Variants in C4orf36 observed in about 807,000 individuals in gnomAD.
C4orf36 encodes the protein uncharacterized protein C4orf36.
C4orf36 carries 11 observed loss-of-function variants against 12.2 expected under a neutral mutation model. That is an observed-to-expected ratio of 0.90 (90% CI 0.57 to 1.49). The LOEUF is 1.49. C4orf36 is among the 40% of genes most tolerant of loss of function. The pLI is 0.00. For synonymous variants in C4orf36, 54 were observed against 51.3 expected, an observed-to-expected ratio of 1.05 and a Z score of -0.22; for missense variants, 137 against 133.9, an observed-to-expected ratio of 1.02 and a Z score of -0.11.
At chr4:86,917,140 C>T in the C4orf36 span, among the ~76,000 whole-genome samples, 3 of 152,218 alleles carry the variant, frequency 2.0e-5, no homozygotes, top group East Asian at 5.8e-4. Flanking sequence ...ATTAGCTGGG[C>T]TTGGTGGCGT....
the C4orf36 span, among the ~76,000 whole-genome samples, chr4:86,918,091 T>G: frequency 1.6e-3 from 241 of 152,240 alleles, 1 homozygote; most frequent in Non-Finnish European, 2.6e-3. Flanking sequence ...GCAGAAGGGG[T>G]GACAGGTCTC....
At chr4:86,914,925 G>A in the C4orf36 span, 8 of 260,088 alleles carry the variant, frequency 3.1e-5, no homozygotes, top group Middle Eastern at 1.4e-3. Flanking sequence ...GGCCCACCAC[G>A]GGGACCGATG....
At chr4:86,910,377 A>G in the C4orf36 span, among the ~76,000 whole-genome samples, 1 of 152,126 alleles carries the variant, frequency 6.6e-6, no homozygotes, top group African/African-American at 2.4e-5. Flanking sequence ...GCACCATTGC[A>G]CTCCATCCTG....
chr4:86,892,541 CGGGCCG>C, upstream of C4orf36: 5 of 861,862 alleles, frequency 5.8e-6, no homozygotes, highest in Non-Finnish European at 7.0e-6. Flanking sequence ...CTCTGGTAAC[CGGGCCG>C]GGGCAGGCCG....
At chr4:86,929,761 G>T in the C4orf36 span, among the ~76,000 whole-genome samples, 1 of 152,040 alleles carries the variant, frequency 6.6e-6, no homozygotes, top group Non-Finnish European at 1.5e-5. Flanking sequence ...CAAGAATAAA[G>T]ACATAAAACA....
chr4:86,884,298 AATTTTTTTTTTTTTT>A (rs1747118953), intron 4 of C4orf36, among the ~76,000 whole-genome samples: 1 of 125,250 alleles, frequency 8.0e-6, no homozygotes, highest in South Asian at 2.5e-4. Context: ...AAAAAGACTG[AATTTTTTTTTTTTTT>A]TTTTTTTTTG....
the C4orf36 span, chr4:86,925,822 T>C: frequency 6.6e-6 from 1 of 151,900 alleles, no homozygotes; most frequent in Non-Finnish European, 1.5e-5. Context: ...TCATTCATCT[T>C]AAATTATAAG....
At chr4:86,913,915 C>T in the C4orf36 span, 1 of 1,309,304 alleles carries the variant, frequency 7.6e-7, no homozygotes, top group Non-Finnish European at 1.1e-6. Context: ...TACGAACTCT[C>T]CCGGGCTCAC....
At chr4:86,913,386 G>A in the C4orf36 span, 2 of 783,212 alleles carry the variant, frequency 2.6e-6, no homozygotes, top group Non-Finnish European at 2.2e-6. Flanking sequence ...CTTGAGTGAT[G>A]CTATTCGGGT....
At chr4:86,917,343 G>GAAGA in the C4orf36 span, among the ~76,000 whole-genome samples, 1 of 146,456 alleles carries the variant, frequency 6.8e-6, no homozygotes, top group Admixed American at 7.0e-5. Context: ...AGGAAGGAAG[G>GAAGA]ATGGAAGGAA....
intron 4 of C4orf36, among the ~76,000 whole-genome samples, chr4:86,883,160 C>G (rs550756290): frequency 2.2e-4 from 34 of 152,282 alleles, no homozygotes; most frequent in African/African-American, 8.2e-4. Context: ...GATATCTGTG[C>G]TTCTGGGTTA....
chr4:86,892,860 G>GT (rs1474526891), upstream of C4orf36, among the ~76,000 whole-genome samples: 3 of 152,174 alleles, frequency 2.0e-5, no homozygotes, highest in Non-Finnish European at 2.9e-5. Flanking sequence ...TGGTGATTTC[G>GT]TATTTCTTCA....
the C4orf36 span, among the ~76,000 whole-genome samples, chr4:86,907,105 T>G: frequency 6.6e-6 from 1 of 152,108 alleles, no homozygotes; most frequent in East Asian, 1.9e-4. Flanking sequence ...CAAGTAAGTG[T>G]TTAAGGTGAT....
At chr4:86,923,086 CCTTT>C in the C4orf36 span, among the ~76,000 whole-genome samples, 2 of 148,280 alleles carry the variant, frequency 1.3e-5, no homozygotes, top group African/African-American at 5.0e-5. Context: ...CATCCAGCTG[CCTTT>C]TTTTTTTTTT....
At chr4:86,929,459 T>C in the C4orf36 span, among the ~76,000 whole-genome samples, 3 of 152,210 alleles carry the variant, frequency 2.0e-5, no homozygotes, top group Non-Finnish European at 4.4e-5. Context: ...TTTGCTCCTT[T>C]AGGGCCAACA....
At chr4:86,892,779 C>T (rs909905216), upstream of C4orf36, among the ~76,000 whole-genome samples, 1 of 152,212 alleles carries the variant, frequency 6.6e-6, no homozygotes, top group Non-Finnish European at 1.5e-5. Context: ...AGCTCAAAGC[C>T]CACGTGTGAT....
intron 4 of C4orf36, among the ~76,000 whole-genome samples, chr4:86,883,129 C>G (rs1205882364): frequency 6.6e-6 from 1 of 152,098 alleles, no homozygotes. Flanking sequence ...CCTGGTGGCT[C>G]CAGAGGACAG....
chr4:86,887,381 T>C (rs1321266664), intron 4 of C4orf36: 3 of 167,346 alleles, frequency 1.8e-5, no homozygotes, highest in Non-Finnish European at 2.5e-5. Context: ...AGAGAATTTC[T>C]CTCTTGCCTT....
the C4orf36 span, among the ~76,000 whole-genome samples, chr4:86,897,903 A>T: frequency 6.6e-6 from 1 of 152,218 alleles, no homozygotes; most frequent in African/African-American, 2.4e-5. Context: ...CTACATTTGA[A>T]TTCCTCCCTC....
Sources: gnomAD v4.1 joint callset for allele counts (sites outside exome capture counted in the v4.1 genomes callset) on GRCh38, gnomAD v4.1.1 for gene constraint, MANE v1.5 for transcripts, NCBI Gene and HGNC (gene_info 2026-07-23, HGNC 2026-07-21) for gene names.